The following NCAPG2 variants were observed in gnomAD, a reference collection of about 807,000 sequenced individuals.
NCAPG2 encodes non-SMC condensin II complex subunit G2.
In NCAPG2, 53 loss-of-function variants were observed where a neutral mutation model predicts 141.1. The observed-to-expected ratio is 0.38, with a 90% CI of 0.30 to 0.47. The LOEUF (loss-of-function observed/expected upper bound fraction) is 0.47. NCAPG2 is among the 20% of genes least tolerant of loss of function. The pLI, the probability that NCAPG2 is intolerant of heterozygous loss-of-function variation, is 0.99. For missense variants in NCAPG2, 1,087 were observed against 1,389.0 expected, an observed-to-expected ratio of 0.78 and a Z score of 3.46; for synonymous variants, 499 against 490.7, an observed-to-expected ratio of 1.02 and a Z score of -0.22.
chr7:158,637,867 G>A (rs1168157606), intron 27 of NCAPG2, among the ~76,000 whole-genome samples: 1 of 151,974 alleles, frequency 6.6e-6, no homozygotes, highest in African/African-American at 2.4e-5. Context: ...CACTTGGCTG[G>A]GCACGGTGGC....
intron 24 of NCAPG2, among the ~76,000 whole-genome samples, chr7:158,648,925 C>T (rs1263963122): frequency 1.3e-5 from 2 of 152,160 alleles, no homozygotes; most frequent in Non-Finnish European, 2.9e-5. Flanking sequence ...ACTATAACCA[C>T]GCCAAATGGA....
In NCAPG2 at chr7:158,689,941, A is replaced by G; in HGVS notation, c.550T>C (p.Cys184Arg). Residue 184 changes from cysteine (C) to arginine (R), a missense_variant, in exon 6 of 28, where the codon TGT (cysteine) becomes CGT (arginine). Coordinates refer to ENST00000356309, the MANE Select transcript of NCAPG2 (RefSeq NM_017760.7). ...SLETKTGADV[C>R]RLWRIHQALY... Reference sequence around the variant, plus strand: ...GCTTGATGGATACGCCAAAGCCGACATACGTCTGCACCCTAGGAATGACAC... The same window carrying G: ...GCTTGATGGATACGCCAAAGCCGACGTACGTCTGCACCCTAGGAATGACAC... 6.3e-7 allele frequency: 1 copy of G among 1,589,680 alleles called. No individual in the cohort carries two copies. The highest frequency in any genetic ancestry group is 8.5e-7 in the Non-Finnish European group (1 of 1,170,368).
intron 11 of NCAPG2, among the ~76,000 whole-genome samples, chr7:158,677,364 G>A (rs1357086724): frequency 1.3e-5 from 2 of 151,848 alleles, no homozygotes; most frequent in Non-Finnish European, 2.9e-5. Context: ...GTTGCACTCT[G>A]CCCATTTAGG....
At chr7:158,704,693 C>G (rs1351603970) in intron 1 of NCAPG2, 31 bp downstream of exon 1, 1 of 152,424 alleles carries the variant, frequency 6.6e-6, no homozygotes, top group East Asian at 1.9e-4. Context: ...CTGCTCTGAA[C>G]CCAATCCCGG....
rs771439304 is a variant in NCAPG2 at position 158,680,018 on chromosome 7, G to T, written c.1088C>A (p.Pro363Gln). 6.2e-7 allele frequency: 1 copy of T among 1,613,922 alleles called. No individual in the cohort carries two copies. Among genetic ancestry groups the T allele is most frequent in the African/African-American group, 1.3e-5 (1 of 74,886 alleles). ...ATCCATTTCAATAGCATGAAGGTTT[G>T]GATCCCTAATAGGAAATGCTTCAAC... ...LFVEAFPIRD[P>Q]NLHAIEMDSE... The change falls in exon 11 of 28, where the codon CCA becomes CAA. Residue 363 changes from proline (P) to glutamine (Q), a missense_variant. Coordinates refer to ENST00000356309, the MANE Select transcript of NCAPG2 (RefSeq NM_017760.7).
intron 22 of NCAPG2, among the ~76,000 whole-genome samples, chr7:158,653,207 A>T (rs947465366): frequency 6.6e-6 from 1 of 151,826 alleles, no homozygotes; most frequent in Non-Finnish European, 1.5e-5. Context: ...CTAAAAATAC[A>T]AAAATTAGCC....
intron 27 of NCAPG2, chr7:158,641,413 C>A: frequency 3.6e-6 from 2 of 558,382 alleles, no homozygotes; most frequent in Non-Finnish European, 6.3e-6. Context: ...TATAAAGACA[C>A]ATATAGATAG....
At chr7:158,656,481 A>G (rs971129747) in intron 18 of NCAPG2, 48 bp from the exon 19 acceptor site, 2 of 1,610,112 alleles carry the variant, frequency 1.2e-6, no homozygotes, top group Non-Finnish European at 1.7e-6. Context: ...ACGTCCCTAG[A>G]AAAGCATGTA....
chr7:158,637,574 G>GA (rs1177255535), intron 27 of NCAPG2, among the ~76,000 whole-genome samples: 1 of 152,236 alleles, frequency 6.6e-6, no homozygotes, highest in Non-Finnish European at 1.5e-5. Context: ...TTCCAGCTCC[G>GA]GCTCCAGCAG....
At chr7:158,681,708 G>C (rs552864910) in intron 9 of NCAPG2, among the ~76,000 whole-genome samples, 463 of 152,220 alleles carry the variant, frequency 3.0e-3, no homozygotes, top group African/African-American at 0.011. Context: ...GATATCAACA[G>C]TACACTTGCT....
chr7:158,660,444 C>G (rs1306191239), intron 16 of NCAPG2, among the ~76,000 whole-genome samples: 1 of 117,722 alleles, frequency 8.5e-6, no homozygotes, highest in African/African-American at 3.4e-5. Context: ...GAGGCAGGGT[C>G]TCACTCTGTT....
intron 19 of NCAPG2, among the ~76,000 whole-genome samples, 183 bp downstream of exon 19, chr7:158,656,077 G>C (rs1359130072): frequency 6.6e-6 from 1 of 152,206 alleles, no homozygotes; most frequent in Non-Finnish European, 1.5e-5. Flanking sequence ...ACTGGGACTT[G>C]ACTCCCAACC....
intron 11 of NCAPG2, among the ~76,000 whole-genome samples, chr7:158,678,075 G>T (rs922298872): frequency 4.7e-5 from 7 of 150,124 alleles, no homozygotes; most frequent in African/African-American, 1.7e-4. Context: ...GGGATTACAG[G>T]CGTGAACCAC....
chr7:158,665,755 T>C (rs1037686772), intron 13 of NCAPG2, among the ~76,000 whole-genome samples: 1 of 152,086 alleles, frequency 6.6e-6, no homozygotes, highest in African/African-American at 2.4e-5. Flanking sequence ...CCATTGACAA[T>C]GCAGTCCACC....
chr7:158,635,222 A>G lies in NCAPG2; in HGVS notation c.3381-3505T>C, dbSNP rs140075924. Among the ~76,000 whole-genome samples the G allele has an allele frequency of 6.0e-3, 916 of 152,340 alleles. 9 individuals are homozygous for G. The highest frequency in any genetic ancestry group is 0.016 in the African/African-American group (677 of 41,566). ...TGGGTATGGATGATGGAAGCATACC[A>G]CTAAATAAGCTATAAAAAGCATCCA... On this transcript the variant is annotated intron_variant, in intron 27 of 27. Coordinates refer to ENST00000356309, the MANE Select transcript of NCAPG2 (RefSeq NM_017760.7).
intron 27 of NCAPG2, among the ~76,000 whole-genome samples, chr7:158,632,627 T>C (rs766262693): frequency 9.2e-5 from 14 of 152,234 alleles, no homozygotes; most frequent in Non-Finnish European, 1.8e-4. Flanking sequence ...GTGAGACTCA[T>C]GTCTACCTGG....
intron 27 of NCAPG2, among the ~76,000 whole-genome samples, chr7:158,638,070 G>A (rs1382532990): frequency 2.0e-5 from 3 of 151,996 alleles, no homozygotes; most frequent in East Asian, 1.9e-4. Context: ...CTTGAACCTG[G>A]GAGGCAAAGG....
At position 158,645,553 on chromosome 7, in the gene NCAPG2, C is replaced by T. The variant is rs1023392617; in HGVS notation, c.3246G>A (p.Thr1082=). 5 of 1,614,062 alleles carry T rather than the reference C, an allele frequency of 3.1e-6. No homozygotes were observed. Among genetic ancestry groups the T allele is most frequent in the Non-Finnish European group, 3.4e-6 (4 of 1,180,028 alleles). The change falls in exon 26 of 28, where the codon ACG becomes ACA. Residue 1082 remains threonine (T), a synonymous_variant. Transcript: ENST00000356309. Reference sequence around the variant, plus strand: ...TAACCAGGATAATATGCACAGCAGCCGTGAGGCACACAATGCCTTCAATAT... The same window carrying T: ...TAACCAGGATAATATGCACAGCAGCTGTGAGGCACACAATGCCTTCAATAT... The part of the protein sequence containing the change: ...SNDIEGIVCL[T]AAVHIILVIN...
rs554297494 is a variant in NCAPG2 at position 158,664,844 on chromosome 7, G to A, written c.1480-94C>T. 3.2e-5 allele frequency: 33 copies of A among 1,029,832 alleles called. No individual in the cohort carries two copies. The East Asian group carries it at 6.9e-4, about 22-fold the overall frequency. The allele number at this position is 1,029,832 out of a possible 1,614,324, so 63.8% of individuals were successfully genotyped here. A position where few individuals can be genotyped will look rare whatever the true frequency, so the allele number is the denominator to read the frequency against. On this transcript the variant is annotated intron_variant, in intron 13 of 27. Coordinates refer to ENST00000356309, the MANE Select transcript of NCAPG2 (RefSeq NM_017760.7). ...AAAATTTCAAGCACAACCAAAAAAG[G>A]AACTAATTTTTATATTTAAAAAAAT...
Sources: allele counts gnomAD v4.1 joint callset (sites outside exome capture counted in the v4.1 genomes callset), GRCh38; gene constraint gnomAD v4.1.1; transcripts MANE v1.5; gene names NCBI Gene and HGNC (gene_info 2026-07-23, HGNC 2026-07-21).